The following ELF2 variants were observed in gnomAD, a reference collection of about 807,000 sequenced individuals.
ELF2 encodes E74 like ETS transcription factor 2, also known as ETS-related transcription factor Elf-2.
A neutral mutation model predicts 54.8 loss-of-function variants in ELF2; 11 were observed. The observed-to-expected ratio is 0.20, with a 90% CI of 0.13 to 0.33. The LOEUF (loss-of-function observed/expected upper bound fraction) is 0.33, where lower values mean the gene tolerates loss of function less well. ELF2 is among the 10% of genes least tolerant of loss of function. The pLI is 1.00. For synonymous variants in ELF2, 203 were observed against 245.1 expected, an observed-to-expected ratio of 0.83 and a Z score of 1.61; for missense variants, 513 against 703.0, an observed-to-expected ratio of 0.73 and a Z score of 3.06.
intron 4 of ELF2, chr4:139,115,450 G>A (rs1466673441): frequency 5.1e-6 from 5 of 973,300 alleles, no homozygotes; most frequent in Non-Finnish European, 4.9e-6. Context: ...CGGCTGGCTG[G>A]GGTTAGCTCG....
intron 4 of ELF2, chr4:139,116,799 G>A (rs1042388215): frequency 1.2e-6 from 1 of 856,782 alleles, no homozygotes; most frequent in Non-Finnish European, 1.4e-6. Flanking sequence ...TGTGCCACAG[G>A]GAGGATTTCT....
intron 1 of ELF2, among the ~76,000 whole-genome samples, chr4:139,169,833 C>T (rs2171432): frequency 0.77 from 115,179 of 148,802 alleles, 45,568 homozygotes; most frequent in African/African-American, 0.89. Flanking sequence ...CTCCAGCCTG[C>T]GCGACAGAGC....
intron 1 of ELF2, among the ~76,000 whole-genome samples, chr4:139,142,304 TC>T (rs1301412681): frequency 3.3e-5 from 5 of 151,938 alleles, no homozygotes; most frequent in African/African-American, 1.2e-4. Context: ...AGCCTTCTAG[TC>T]AAAAGAAATT....
chr4:139,093,254 C>A (rs1470649919), intron 4 of ELF2, among the ~76,000 whole-genome samples: 1 of 152,116 alleles, frequency 6.6e-6, no homozygotes, highest in Non-Finnish European at 1.5e-5. Flanking sequence ...CGTGAGCCAC[C>A]GCGCCCGGCC....
At chr4:139,102,032 C>G (rs1243336823) in intron 4 of ELF2, 1 of 151,354 alleles carries the variant, frequency 6.6e-6, no homozygotes, top group Non-Finnish European at 1.5e-5. Flanking sequence ...AAGTAAATGT[C>G]TCAAAAAGAA....
In ELF2 at chr4:139,058,936, G is replaced by A; in HGVS notation, c.*47C>T. The A allele has an allele frequency of 6.5e-7, 1 of 1,539,820 alleles. No homozygotes were observed. The highest frequency in any genetic ancestry group is 8.7e-7 in the Non-Finnish European group (1 of 1,146,652). ...GATGACTTCCCTTGCAAATGTTTAT[G>A]TCAGTACTGCCACTAACAGCCTGAA... On this transcript the variant is annotated 3_prime_UTR_variant, in exon 10 of 10. Transcript: ENST00000686138.
In ELF2 at chr4:139,059,334, A is replaced by T; in HGVS notation, c.1431T>A (p.Asn477Lys). The T allele has an allele frequency of 6.2e-7, 1 of 1,613,966 alleles. No homozygotes were observed. The highest frequency in any genetic ancestry group is 1.1e-5 in the South Asian group (1 of 91,076). ...LAQCQLQTKSNLTGSGSINIV... is the reference protein window; with the variant it reads ...LAQCQLQTKSKLTGSGSINIV... Reference sequence around the variant, plus strand: ...TGTTAATGCTTCCTGATCCAGTCAGATTTGACTTTGTCTGCAGTTGACACT... The same window carrying T: ...TGTTAATGCTTCCTGATCCAGTCAGTTTTGACTTTGTCTGCAGTTGACACT... The change falls in exon 10 of 10, where the codon AAT becomes AAA. Residue 477 changes from asparagine to lysine, a missense_variant. Asn to Lys is a moderately conservative substitution (Grantham distance 94). Transcript: ENST00000686138.
chr4:139,084,576 T>G, intron 4 of ELF2: 1 of 289,316 alleles, frequency 3.5e-6, no homozygotes, highest in African/African-American at 2.2e-5. Context: ...GAGAGACACC[T>G]GAGGCTGGGA....
At chr4:139,084,550 G>C (rs1306127203) in intron 4 of ELF2, 7 of 479,944 alleles carry the variant, frequency 1.5e-5, no homozygotes, top group Non-Finnish European at 1.9e-5. Context: ...TCCAGAGAGC[G>C]GCCGCAGCCT....
chr4:139,070,502 G>A (rs1463211163), intron 6 of ELF2, among the ~76,000 whole-genome samples: 1 of 152,084 alleles, frequency 6.6e-6, no homozygotes, highest in African/African-American at 2.4e-5. Context: ...TGTTGACCAG[G>A]CTGGTCTTGA....
chr4:139,166,018 T>C (rs773155549), intron 1 of ELF2, among the ~76,000 whole-genome samples: 1 of 152,200 alleles, frequency 6.6e-6, no homozygotes, highest in Admixed American at 6.5e-5. Context: ...CTATTCTAAA[T>C]CTTCATCATT....
chr4:139,141,172 T>G (rs1738660715), intron 1 of ELF2, among the ~76,000 whole-genome samples: 1 of 152,166 alleles, frequency 6.6e-6, no homozygotes, highest in Non-Finnish European at 1.5e-5. Context: ...ACATACCATG[T>G]GTCTAAATAT....
chr4:139,143,282 T>C (rs539196206), intron 1 of ELF2, among the ~76,000 whole-genome samples: 2 of 152,282 alleles, frequency 1.3e-5, no homozygotes, highest in South Asian at 4.1e-4. Flanking sequence ...AGGACTATTT[T>C]CCAAATATCA....
At chr4:139,093,362 G>C (rs1732890128) in intron 4 of ELF2, among the ~76,000 whole-genome samples, 1 of 152,134 alleles carries the variant, frequency 6.6e-6, no homozygotes, top group South Asian at 2.1e-4. Context: ...TATTTTTTAT[G>C]CAAATTCTAG....
chr4:139,167,792 G>A (rs997669553), intron 1 of ELF2, among the ~76,000 whole-genome samples: 1 of 152,204 alleles, frequency 6.6e-6, no homozygotes, highest in Non-Finnish European at 1.5e-5. Flanking sequence ...TCACCAAACT[G>A]CCCAATGCCT....
chr4:139,070,337 C>A (rs796893975), intron 6 of ELF2, among the ~76,000 whole-genome samples: 15 of 151,324 alleles, frequency 9.9e-5, no homozygotes, highest in African/African-American at 3.6e-4. Flanking sequence ...GTCACCCAGG[C>A]TGGAGTACAC....
chr4:139,144,573 T>A (rs1464523700), intron 1 of ELF2, among the ~76,000 whole-genome samples: 1 of 152,134 alleles, frequency 6.6e-6, no homozygotes, highest in Non-Finnish European at 1.5e-5. Context: ...GCATTGCCAG[T>A]GGATGAAAAG....
intron 1 of ELF2, among the ~76,000 whole-genome samples, chr4:139,158,358 C>T (rs565545678): frequency 1.2e-4 from 19 of 152,274 alleles, no homozygotes; most frequent in African/African-American, 4.1e-4. Flanking sequence ...TTAGCTTGGA[C>T]TCAGAGGCCT....
In ELF2 at chr4:139,084,438, G is replaced by GGGCGGCGGC. The variant is rs34769754; in HGVS notation, c.239-10880_239-10872dup. ...GCAGGGGCAGGGGCGGCAGGGGCAG[G>GGGCGGCGGC]GGCGGCGGCGGCGGCGGCGGCGGCT... On this transcript the variant is annotated intron_variant, in intron 4 of 9. Coordinates refer to ENST00000686138, the MANE Select transcript of ELF2 (RefSeq NM_001331036.3). 1,716 of 1,118,196 alleles carry GGGCGGCGGC rather than the reference G, an allele frequency of 1.5e-3. 8 individuals are homozygous for GGGCGGCGGC. Among genetic ancestry groups the GGGCGGCGGC allele is most frequent in the South Asian group, 5.3e-3 (146 of 27,370 alleles). The allele number at this position is 1,118,196 out of a possible 1,614,324, so 69.3% of individuals were successfully genotyped here.
Sources: allele counts gnomAD v4.1 joint callset (sites outside exome capture counted in the v4.1 genomes callset), GRCh38; gene constraint gnomAD v4.1.1; transcripts MANE v1.5; gene names NCBI Gene and HGNC (gene_info 2026-07-23, HGNC 2026-07-21).